Variants in PCDHB13 observed in about 807,000 individuals in gnomAD.
PCDHB13 encodes protocadherin beta-13.
For synonymous variants in PCDHB13, 515 were observed against 450.7 expected, an observed-to-expected ratio of 1.14 and a Z score of -1.81; for missense variants, 1,065 against 1,016.7, an observed-to-expected ratio of 1.05 and a Z score of -0.65.
In PCDHB13 at chr5:141,214,844, C is replaced by A; in HGVS notation, c.721C>A (p.Pro241Thr). Residue 241 changes from proline (P) to threonine (T), a missense_variant, in exon 1 of 1, where the codon CCT becomes ACT. Physicochemically the swap from Pro to Thr is conservative, Grantham distance 38. Transcript: ENST00000341948. Reference sequence around the variant, plus strand: ...AGTCCTGGATGTCAACGATAATGCCCCTGAATTTGAGCAGCCTTTCTATAG... The same window carrying A: ...AGTCCTGGATGTCAACGATAATGCCACTGAATTTGAGCAGCCTTTCTATAG... ...IEVLDVNDNAPEFEQPFYRVQ... is the reference protein window; with the variant it reads ...IEVLDVNDNATEFEQPFYRVQ... The A allele has an allele frequency of 6.2e-7, 1 of 1,614,162 alleles. No homozygotes were observed. The highest frequency in any genetic ancestry group is 8.5e-7 in the Non-Finnish European group (1 of 1,180,018).
chr5:141,214,872 T>A lies in PCDHB13; in HGVS notation c.749T>A (p.Val250Glu). 1 of 1,614,130 alleles carries A rather than the reference T, an allele frequency of 6.2e-7. No individual in the cohort carries two copies. The highest frequency in any genetic ancestry group is 8.5e-7 in the Non-Finnish European group (1 of 1,180,008). The change falls in exon 1 of 1, where the codon GTG (valine) becomes GAG (glutamate). Residue 250 changes from valine (V) to glutamate (E), a missense_variant. Coordinates refer to ENST00000341948, the MANE Select transcript of PCDHB13 (RefSeq NM_018933.4). ...GAATTTGAGCAGCCTTTCTATAGAG[T>A]GCAGATCTCTGAGGACAGTCCGGTA... ...APEFEQPFYR[V>E]QISEDSPVGF... is the part of the protein sequence containing the mutation.
At position 141,215,544 on chromosome 5, in the gene PCDHB13, G is replaced by C; in HGVS notation, c.1421G>C (p.Ser474Thr). Residue 474 changes from serine (S) to threonine (T), a missense_variant, in exon 1 of 1, where the codon AGC (serine) becomes ACC (threonine). Ser to Thr is a moderately conservative substitution (Grantham distance 58). Coordinates refer to ENST00000341948, the MANE Select transcript of PCDHB13 (RefSeq NM_018933.4). ...CCCGCCCTGCACATCCGCAGCGTCAGCGCTACAGACAGAGACTCAGGCACC... is the reference window on the plus strand; with the variant it reads ...CCCGCCCTGCACATCCGCAGCGTCACCGCTACAGACAGAGACTCAGGCACC... ...NSPALHIRSV[S>T]ATDRDSGTNA... 1.2e-6 allele frequency: 2 copies of C among 1,613,834 alleles called. No homozygotes were observed. The highest frequency in any genetic ancestry group is 1.7e-6 in the Non-Finnish European group (2 of 1,179,954).
Position 141,213,924 on chromosome 5 carries a change from T to A in PCDHB13, c.-200T>A, listed in dbSNP as rs1754512184. On this transcript the variant is annotated 5_prime_UTR_variant, in exon 1 of 1. Coordinates refer to ENST00000341948, the MANE Select transcript of PCDHB13 (RefSeq NM_018933.4). ...CACAAACCAGAACCGCAGCTGCAGC[T>A]CCATTAACCGGCAAAAAGCAGCAGA... The A allele has an allele frequency of 6.7e-6, 4 of 597,654 alleles. No individual in the cohort carries two copies. Among genetic ancestry groups the A allele is most frequent in the Middle Eastern group, 4.5e-4 (1 of 2,222 alleles). 37.0% of individuals were successfully genotyped at this position (597,654 alleles called of 1,614,324 possible).
chr5:141,216,125 C>G lies in PCDHB13; in HGVS notation c.2002C>G (p.Gln668Glu). 1 of 1,609,972 alleles carries G rather than the reference C, an allele frequency of 6.2e-7. No individual in the cohort carries two copies. The highest frequency in any genetic ancestry group is 8.5e-7 in the Non-Finnish European group (1 of 1,179,752). Reference sequence around the variant, plus strand: ...CGTGCTCCTGGTGGACGGCTTCTCCCAGCCCTACCTGCCTCTCCCGGAGGC... The same window carrying G: ...CGTGCTCCTGGTGGACGGCTTCTCCGAGCCCTACCTGCCTCTCCCGGAGGC... The part of the protein sequence containing the change: ...LHVLLVDGFS[Q>E]PYLPLPEAAP... Residue 668 changes from glutamine (Q) to glutamate (E), a missense_variant, in exon 1 of 1, where the codon CAG (glutamine) becomes GAG (glutamate). Transcript: ENST00000341948.
Position 141,215,367 on chromosome 5 carries a change from C to G in PCDHB13, c.1244C>G (p.Ala415Gly). The stretch of plus-strand genomic sequence containing the variant: ...AGACCACTAGACAGAGAAAGCAGAG[C>G]GGAATACAACATCACTATCACTGTC... ...TERPLDRESR[A>G]EYNITITVTD... Residue 415 changes from alanine to glycine, a missense_variant, in exon 1 of 1, where the codon GCG (alanine) becomes GGG (glycine). By Grantham distance (60) the Ala-to-Gly change is moderately conservative (BLOSUM62 0). Transcript: ENST00000341948. The G allele has an allele frequency of 1.9e-6, 3 of 1,614,152 alleles. No individual in the cohort carries two copies. Among genetic ancestry groups the G allele is most frequent in the Non-Finnish European group, 2.5e-6 (3 of 1,180,036 alleles).
chr5:141,216,075 C>T lies in PCDHB13; in HGVS notation c.1952C>T (p.Pro651Leu), dbSNP rs782100128. 20 of 1,605,968 alleles carry T rather than the reference C, an allele frequency of 1.2e-5. No homozygotes were observed. Among genetic ancestry groups the T allele is most frequent in the Admixed American group, 1.7e-5 (1 of 59,942 alleles). The change falls in exon 1 of 1, where the codon CCG (proline) becomes CTG (leucine). Residue 651 changes from proline to leucine, a missense_variant. Physicochemically the swap from Pro to Leu is moderately conservative, Grantham distance 98. Transcript: ENST00000341948. The part of the protein sequence containing the change: ...VVLVKDNGEP[P>L]RSATATLHVL... Reference sequence around the variant, plus strand: ...CTGGTCAAGGACAATGGCGAGCCTCCGCGCTCGGCCACCGCCACGCTGCAC... The same window carrying T: ...CTGGTCAAGGACAATGGCGAGCCTCTGCGCTCGGCCACCGCCACGCTGCAC...
rs1442001681 is a variant in PCDHB13, at chr5:141,217,643, A to G, written c.*1123A>G. ...GGGTTCTAATTTTAAAAAAATTTTC[A>G]AAGCATTGTAGGGGAGTAGCTTTGT... is the stretch of plus-strand genomic sequence containing the variant. On this transcript the variant is annotated 3_prime_UTR_variant, in exon 1 of 1. Coordinates refer to ENST00000341948, the MANE Select transcript of PCDHB13 (RefSeq NM_018933.4). 2 of 166,970 alleles carry G rather than the reference A, an allele frequency of 1.2e-5. No homozygotes were observed. Among genetic ancestry groups the G allele is most frequent in the Non-Finnish European group, 2.9e-5 (2 of 68,100 alleles). The allele number at this position is 166,970 out of a possible 1,614,324, so 10.3% of individuals were successfully genotyped here.
At position 141,214,753 on chromosome 5, in the gene PCDHB13, G is replaced by A. The variant is rs1554287701; in HGVS notation, c.630G>A (p.Arg210=). The A allele has an allele frequency of 6.2e-7, 1 of 1,614,156 alleles. No homozygotes were observed. The highest frequency in any genetic ancestry group is 8.5e-7 in the Non-Finnish European group (1 of 1,180,028). The change falls in exon 1 of 1, where the codon AGG becomes AGA. Residue 210 remains arginine (R), a synonymous_variant. Coordinates refer to ENST00000341948, the MANE Select transcript of PCDHB13 (RefSeq NM_018933.4). ...ALDREEEAEL[R]LTLTALDGGS... is the part of the protein sequence containing the mutation. ...ACCGAGAGGAAGAAGCTGAGCTCAG[G>A]TTAACACTCACAGCACTGGATGGTG...
rs1325677152 is a variant in PCDHB13, at chr5:141,218,303, TAGTC to T, written c.*1787_*1790del. 4 of 167,048 alleles carry T rather than the reference TAGTC, an allele frequency of 2.4e-5. No individual in the cohort carries two copies. Among genetic ancestry groups the T allele is most frequent in the African/African-American group, 7.2e-5 (3 of 41,410 alleles). The allele number at this position is 167,048 out of a possible 1,614,324, so 10.3% of individuals were successfully genotyped here. A position where few individuals can be genotyped will look rare whatever the true frequency, so the allele number is the denominator to read the frequency against. On this transcript the variant is annotated 3_prime_UTR_variant, in exon 1 of 1. Coordinates refer to ENST00000341948, the MANE Select transcript of PCDHB13 (RefSeq NM_018933.4). ...TTAACATTGTAGAGGGACTGGGTAT[TAGTC>T]AGTTGATAATGCCAAGAAGTGCAAT...
Position 141,214,482 on chromosome 5 carries a change from C to G in PCDHB13, c.359C>G (p.Ala120Gly). ...LLESPFEFFQ[A>G]ELQVIDINDH... ...GAGAGTCCCTTCGAGTTTTTTCAAG[C>G]TGAGCTGCAAGTAATAGACATAAAC... The change falls in exon 1 of 1, where the codon GCT becomes GGT. Residue 120 changes from alanine to glycine, a missense_variant. Ala to Gly is a moderately conservative substitution (Grantham distance 60). Transcript: ENST00000341948. 1 of 1,595,912 alleles carries G rather than the reference C, an allele frequency of 6.3e-7. No individual in the cohort carries two copies. Among genetic ancestry groups the G allele is most frequent in the Non-Finnish European group, 8.6e-7 (1 of 1,165,332 alleles).
Position 141,214,055 on chromosome 5 carries a change from G to A in PCDHB13, c.-69G>A, listed in dbSNP as rs1253275448. 6.2e-7 allele frequency: 1 copy of A among 1,606,454 alleles called. No homozygotes were observed. Among genetic ancestry groups the A allele is most frequent in the African/African-American group, 1.3e-5 (1 of 74,728 alleles). ...CTGAGGTATCTGTAGAATAACCACAGCCTCAGATACTGGGGACTTTACAGT... is the reference window on the plus strand; with the variant it reads ...CTGAGGTATCTGTAGAATAACCACAACCTCAGATACTGGGGACTTTACAGT... On this transcript the variant is annotated 5_prime_UTR_variant, in exon 1 of 1. Coordinates refer to ENST00000341948, the MANE Select transcript of PCDHB13 (RefSeq NM_018933.4).
Position 141,215,338 on chromosome 5 carries a change from G to C in PCDHB13, c.1215G>C (p.Thr405=), listed in dbSNP as rs200643533. ...CGGAAAACTTTTACACCCTACTAAC[G>C]GAGAGACCACTAGACAGAGAAAGCA... ...KSAENFYTLL[T]ERPLDRESRA... The change falls in exon 1 of 1, where the codon ACG becomes ACC. Residue 405 remains threonine (T), a synonymous_variant. Coordinates refer to ENST00000341948, the MANE Select transcript of PCDHB13 (RefSeq NM_018933.4). 6.2e-7 allele frequency: 1 copy of C among 1,614,072 alleles called. No individual in the cohort carries two copies. Among genetic ancestry groups the C allele is most frequent in the East Asian group, 2.2e-5 (1 of 44,868 alleles).
In PCDHB13 at chr5:141,216,415, C is replaced by A; in HGVS notation, c.2292C>A (p.Phe764Leu). ...CAGGAGGCTCAGGGACCAATGAGTT[C>A]AAGTTCCTGAAGCCGATTATCCCCA... ...CLAGGSGTNE[F>L]KFLKPIIPNF... The change falls in exon 1 of 1, where the codon TTC becomes TTA. Residue 764 changes from phenylalanine to leucine, a missense_variant. Physicochemically the swap from Phe to Leu is conservative, Grantham distance 22 (BLOSUM62 0). Coordinates refer to ENST00000341948, the MANE Select transcript of PCDHB13 (RefSeq NM_018933.4). 1.2e-6 allele frequency: 2 copies of A among 1,614,198 alleles called. No homozygotes were observed. Among genetic ancestry groups the A allele is most frequent in the South Asian group, 2.2e-5 (2 of 91,078 alleles).
Position 141,216,758 on chromosome 5 carries a change from GCAATAC to G in PCDHB13, c.*242_*247del. On this transcript the variant is annotated 3_prime_UTR_variant, in exon 1 of 1. Transcript: ENST00000341948. ...TGTAATTAATTTGCCTCCCTAAAGAGCAATACCAAATCACATTTTTTTCATGCCCCT... is the reference window on the plus strand; with the variant it reads ...TGTAATTAATTTGCCTCCCTAAAGAGCAAATCACATTTTTTTCATGCCCCT... 1 of 584,454 alleles carries G rather than the reference GCAATAC, an allele frequency of 1.7e-6. No homozygotes were observed. Among genetic ancestry groups the G allele is most frequent in the East Asian group, 3.3e-5 (1 of 30,504 alleles). 36.2% of individuals were successfully genotyped at this position (584,454 alleles called of 1,614,324 possible).
In PCDHB13 at chr5:141,215,058, A is replaced by G. The variant is rs1473221590; in HGVS notation, c.935A>G (p.Lys312Arg). 13 of 1,614,074 alleles carry G rather than the reference A, an allele frequency of 8.1e-6. No homozygotes were observed. Among genetic ancestry groups the G allele is most frequent in the Non-Finnish European group, 1.0e-5 (12 of 1,180,036 alleles). The change falls in exon 1 of 1, where the codon AAA (lysine) becomes AGA (arginine). Residue 312 changes from lysine (K) to arginine (R), a missense_variant. Physicochemically the swap from Lys to Arg is conservative, Grantham distance 26. Coordinates refer to ENST00000341948, the MANE Select transcript of PCDHB13 (RefSeq NM_018933.4). ...IELKKQLDFE[K>R]LQSYEVNIEA... is the part of the protein sequence containing the mutation. ...CTAAAAAAACAACTCGATTTCGAAA[A>G]ACTTCAGTCCTATGAAGTCAATATT...
chr5:141,216,950 C>G lies in PCDHB13; in HGVS notation c.*430C>G. 1 of 252,066 alleles carries G rather than the reference C, an allele frequency of 4.0e-6. No homozygotes were observed. The highest frequency in any genetic ancestry group is 5.4e-5 in the South Asian group (1 of 18,378). The allele number at this position is 252,066 out of a possible 1,614,324, so 15.6% of individuals were successfully genotyped here. On this transcript the variant is annotated 3_prime_UTR_variant, in exon 1 of 1. Coordinates refer to ENST00000341948, the MANE Select transcript of PCDHB13 (RefSeq NM_018933.4). ...CATATCATTTTTCTTTTTTGTAAAT[C>G]CAGTGCGTTTTTAGTTAACCTTTAA...
rs1554288012 is a variant in PCDHB13, at chr5:141,215,765, C to A, written c.1642C>A (p.Arg548Ser). The A allele has an allele frequency of 6.2e-7, 1 of 1,611,782 alleles. No individual in the cohort carries two copies. Among genetic ancestry groups the A allele is most frequent in the African/African-American group, 1.3e-5 (1 of 74,998 alleles). Reference protein sequence around the residue: ...SPALSSEALVRVVVLDANDNS... With the variant: ...SPALSSEALVSVVVLDANDNS... Reference sequence around the variant, plus strand: ...GGCGCTGAGCAGCGAGGCGCTGGTGCGCGTGGTGGTGCTGGACGCCAACGA... The same window carrying A: ...GGCGCTGAGCAGCGAGGCGCTGGTGAGCGTGGTGGTGCTGGACGCCAACGA... The change falls in exon 1 of 1, where the codon CGC (arginine) becomes AGC (serine). Residue 548 changes from arginine to serine, a missense_variant. Arg to Ser is a moderately radical substitution (Grantham distance 110, BLOSUM62 -1). Transcript: ENST00000341948.
rs782093598 is a variant in PCDHB13 at position 141,214,364 on chromosome 5, G to C, written c.241G>C (p.Glu81Gln). Residue 81 changes from glutamate to glutamine, a missense_variant, in exon 1 of 1, where the codon GAG becomes CAG. Glu to Gln is a conservative substitution (Grantham distance 29). Transcript: ENST00000341948. ...GNKLHLQLNQ[E>Q]TADLLLNEKL... ...CAAACTACATTTGCAGCTCAATCAG[G>C]AGACCGCGGATTTGTTGCTAAATGA... 3 of 1,389,618 alleles carry C rather than the reference G, an allele frequency of 2.2e-6. No individual in the cohort carries two copies. 86.1% of individuals were successfully genotyped at this position (1,389,618 alleles called of 1,614,324 possible).
In PCDHB13 at chr5:141,216,383, T is replaced by C; in HGVS notation, c.2260T>C (p.Cys754Arg). 6.2e-7 allele frequency: 1 copy of C among 1,614,138 alleles called. No homozygotes were observed. The highest frequency in any genetic ancestry group is 1.1e-5 in the South Asian group (1 of 91,076). Residue 754 changes from cysteine to arginine, a missense_variant, in exon 1 of 1, where the codon TGT becomes CGT. Physicochemically the swap from Cys to Arg is radical, Grantham distance 180 (BLOSUM62 -3). Coordinates refer to ENST00000341948, the MANE Select transcript of PCDHB13 (RefSeq NM_018933.4). ...ATCCCAGAGCTACCAGTATGAGGTG[T>C]GTCTGGCAGGAGGCTCAGGGACCAA... ...TLSQSYQYEV[C>R]LAGGSGTNEF...
Sources: allele counts gnomAD v4.1 joint callset, GRCh38; gene constraint gnomAD v4.1.1; transcripts MANE v1.5; gene names NCBI Gene and HGNC (gene_info 2026-07-23, HGNC 2026-07-21).